CLIC5: variants seen among roughly 807,000 people sequenced by gnomAD.
CLIC5 encodes chloride intracellular channel protein 5.
CLIC5 carries 20 observed loss-of-function variants against 24.7 expected under a neutral mutation model. The observed-to-expected ratio is 0.81, with a 90% CI of 0.57 to 1.18. The LOEUF is 1.18. Among genes scored for constraint, CLIC5 ranks in the 50% most tolerant of loss-of-function variants. The pLI, the probability that CLIC5 is intolerant of heterozygous loss-of-function variation, is 0.00. For synonymous variants in CLIC5, 159 were observed against 135.6 expected, an observed-to-expected ratio of 1.17 and a Z score of -1.20; for missense variants, 341 against 326.1, an observed-to-expected ratio of 1.05 and a Z score of -0.35.
chr6:46,085,555 C>T, the CLIC5 span, among the ~76,000 whole-genome samples: 1 of 152,114 alleles, frequency 6.6e-6, no homozygotes, highest in Admixed American at 6.5e-5. Flanking sequence ...ACCCTGTTTG[C>T]CTGGGTATCA....
chr6:45,928,811 G>A (rs115522972), intron 4 of CLIC5, among the ~76,000 whole-genome samples: 421 of 150,424 alleles, frequency 2.8e-3, no homozygotes, highest in African/African-American at 9.9e-3. Context: ...GAGAGAGATT[G>A]AGAAACGTAT....
At chr6:46,084,217 G>C (rs1431831283), upstream of CLIC5, among the ~76,000 whole-genome samples, 13 of 152,210 alleles carry the variant, frequency 8.5e-5, 1 homozygote, top group South Asian at 2.5e-3. Context: ...GATGGGTCTT[G>C]ACTCTTTATC....
intron 1 of CLIC5, chr6:46,079,669 T>C: frequency 6.6e-7 from 1 of 1,510,530 alleles, no homozygotes. Context: ...AATATCTGCA[T>C]GAACAGGGTA....
chr6:45,979,951 C>T (rs1240586975), intron 1 of CLIC5, among the ~76,000 whole-genome samples: 30 of 95,022 alleles, frequency 3.2e-4, no homozygotes, highest in South Asian at 1.7e-3. Flanking sequence ...GACTTAGTCA[C>T]TTTTTTTTTT....
the CLIC5 span, among the ~76,000 whole-genome samples, chr6:46,114,916 G>A: frequency 6.6e-6 from 1 of 152,154 alleles, no homozygotes; most frequent in African/African-American, 2.4e-5. Flanking sequence ...GAGATTCTAT[G>A]AACCAGTGGG....
At chr6:45,994,088 G>A (rs1285281600) in intron 1 of CLIC5, among the ~76,000 whole-genome samples, 3 of 152,034 alleles carry the variant, frequency 2.0e-5, no homozygotes, top group African/African-American at 7.2e-5. Flanking sequence ...CTAAAGGCAG[G>A]GCTCATGGTC....
At chr6:46,096,757 A>C in the CLIC5 span, among the ~76,000 whole-genome samples, 1 of 152,206 alleles carries the variant, frequency 6.6e-6, no homozygotes, top group Admixed American at 6.5e-5. Context: ...GATACACAAC[A>C]ACAACAACAA....
At position 46,076,669 on chromosome 6, in the gene CLIC5, C is replaced by A. The variant is rs770928769; in HGVS notation, c.540+3034G>T. The stretch of plus-strand genomic sequence containing the variant: ...CATTTCAGACTTCTGACCCCCAGAA[C>A]TGTAAGAGAATATTTGTATTCTTTT... On this transcript the variant is annotated intron_variant, in intron 1 of 5. Coordinates refer to the CLIC5 transcript ENST00000185206. Among the ~76,000 whole-genome samples the A allele has an allele frequency of 6.7e-4, 102 of 152,320 alleles. 1 individual carries two copies. The highest frequency in any genetic ancestry group is 6.8e-3 in the Middle Eastern group (2 of 294).
At chr6:45,945,505 C>T (rs368842376) in intron 3 of CLIC5, among the ~76,000 whole-genome samples, 3 of 152,130 alleles carry the variant, frequency 2.0e-5, no homozygotes, top group Admixed American at 6.5e-5. Context: ...CTCTCTCTCC[C>T]TGAAGGAGCC....
At chr6:46,073,865 C>T (rs1562038018) in intron 1 of CLIC5, among the ~76,000 whole-genome samples, 1 of 152,244 alleles carries the variant, frequency 6.6e-6, no homozygotes, top group Non-Finnish European at 1.5e-5. Flanking sequence ...AATCCAGCTT[C>T]ATTTATCTCA....
chr6:46,088,738 C>T, the CLIC5 span, among the ~76,000 whole-genome samples: 2 of 152,132 alleles, frequency 1.3e-5, no homozygotes, highest in Non-Finnish European at 2.9e-5. Flanking sequence ...ATGGTAAATA[C>T]TCAAATACTA....
intron 1 of CLIC5, among the ~76,000 whole-genome samples, chr6:46,003,711 G>A (rs910314496): frequency 2.6e-5 from 4 of 152,136 alleles, no homozygotes; most frequent in Non-Finnish European, 4.4e-5. Context: ...TAACCAGACT[G>A]GGCACAAGAA....
intron 1 of CLIC5, among the ~76,000 whole-genome samples, chr6:46,059,330 T>C (rs1762171676): frequency 6.6e-6 from 1 of 152,226 alleles, no homozygotes; most frequent in Admixed American, 6.5e-5. Flanking sequence ...TATAAGTGTA[T>C]GTGTTAGGGT....
At chr6:46,127,853 A>G in the CLIC5 span, among the ~76,000 whole-genome samples, 23 of 152,364 alleles carry the variant, frequency 1.5e-4, no homozygotes, top group African/African-American at 5.3e-4. Context: ...GAAGAAATCT[A>G]GACGTCATTT....
chr6:45,968,004 G>C (rs1765074096), intron 1 of CLIC5, among the ~76,000 whole-genome samples: 1 of 152,162 alleles, frequency 6.6e-6, no homozygotes, highest in Admixed American at 6.5e-5. Context: ...CCATATCAGT[G>C]GGTGTGCAGG....
At chr6:46,032,014 G>A (rs964703538) in intron 1 of CLIC5, among the ~76,000 whole-genome samples, 5 of 151,258 alleles carry the variant, frequency 3.3e-5, no homozygotes, top group African/African-American at 1.2e-4. Flanking sequence ...ATACTAAATT[G>A]TAAATAGTGG....
At chr6:45,988,598 T>TA (rs2127421097) in intron 1 of CLIC5, among the ~76,000 whole-genome samples, 1 of 152,334 alleles carries the variant, frequency 6.6e-6, no homozygotes, top group East Asian at 1.9e-4. Flanking sequence ...TACTTGCCAT[T>TA]AAAAAACCTG....
At chr6:45,967,765 A>T (rs1581802435) in intron 1 of CLIC5, among the ~76,000 whole-genome samples, 1 of 152,086 alleles carries the variant, frequency 6.6e-6, no homozygotes, top group Non-Finnish European at 1.5e-5. Context: ...GGGAGCAGGC[A>T]CTTTCCATGG....
At chr6:45,909,380 G>A (rs1051102806) in intron 5 of CLIC5, among the ~76,000 whole-genome samples, 1 of 152,056 alleles carries the variant, frequency 6.6e-6, no homozygotes, top group Non-Finnish European at 1.5e-5. Context: ...GGGTCTGTTG[G>A]CTATTTACAA....
Sources: allele counts gnomAD v4.1 joint callset (sites outside exome capture counted in the v4.1 genomes callset), GRCh38; gene constraint gnomAD v4.1.1; transcripts MANE v1.5; gene names NCBI Gene and HGNC (gene_info 2026-07-23, HGNC 2026-07-21).